Variants in RASAL2 observed in about 807,000 individuals in gnomAD.
RASAL2 encodes ras GTPase-activating protein nGAP.
A neutral mutation model predicts 128.9 loss-of-function variants in RASAL2; 58 were observed. That is an observed-to-expected ratio of 0.45 (90% confidence interval 0.36 to 0.56). The LOEUF (loss-of-function observed/expected upper bound fraction) is 0.56. Among genes scored for constraint, RASAL2 ranks in the 20% least tolerant of loss-of-function variants. The pLI, the probability that RASAL2 is intolerant of heterozygous loss-of-function variation, is 0.00. For synonymous variants in RASAL2, 561 were observed against 580.8 expected, an observed-to-expected ratio of 0.97 and a Z score of 0.49; for missense variants, 1,360 against 1,601.6, an observed-to-expected ratio of 0.85 and a Z score of 2.57.
At chr1:178,192,787 G>A (rs1011424524) in intron 1 of RASAL2, among the ~76,000 whole-genome samples, 4 of 152,128 alleles carry the variant, frequency 2.6e-5, no homozygotes, top group Non-Finnish European at 4.4e-5. Flanking sequence ...TCTGAGTCTG[G>A]CCAGCTATTT....
At chr1:178,377,920 A>G (rs1021642766) in intron 3 of RASAL2, among the ~76,000 whole-genome samples, 1 of 152,078 alleles carries the variant, frequency 6.6e-6, no homozygotes, top group Non-Finnish European at 1.5e-5. Flanking sequence ...GTAAAAATAG[A>G]GTATTTTTAT....
chr1:178,096,908 T>G (rs902093933), intron 1 of RASAL2, among the ~76,000 whole-genome samples: 1 of 152,226 alleles, frequency 6.6e-6, no homozygotes, highest in Non-Finnish European at 1.5e-5. Flanking sequence ...TAGCTAGTTT[T>G]AAGTTGCCTA....
intron 1 of RASAL2, among the ~76,000 whole-genome samples, chr1:178,116,766 C>A (rs957633598): frequency 1.4e-4 from 22 of 152,192 alleles, no homozygotes; most frequent in Admixed American, 3.3e-4. Flanking sequence ...CCCACCACCA[C>A]GCCTGGCTAA....
chr1:178,145,422 A>G (rs1381469608), intron 1 of RASAL2, among the ~76,000 whole-genome samples: 3 of 151,940 alleles, frequency 2.0e-5, no homozygotes, highest in African/African-American at 7.3e-5. Context: ...ATTTTGATAG[A>G]TATTTATCTA....
At chr1:178,265,997 T>A (rs1472773804) in intron 1 of RASAL2, among the ~76,000 whole-genome samples, 1 of 152,240 alleles carries the variant, frequency 6.6e-6, no homozygotes, top group Admixed American at 6.5e-5. Context: ...AATTTATCCA[T>A]TTTACTGTTG....
chr1:178,279,667 G>A (rs1410990667), intron 1 of RASAL2, among the ~76,000 whole-genome samples: 2 of 152,002 alleles, frequency 1.3e-5, no homozygotes, highest in African/African-American at 4.8e-5. Context: ...ATTCAGTCTT[G>A]GTTATATGGC....
At chr1:178,225,288 T>G (rs1298121749) in intron 1 of RASAL2, among the ~76,000 whole-genome samples, 2 of 151,794 alleles carry the variant, frequency 1.3e-5, no homozygotes. Context: ...AAACACATAC[T>G]TATAAAATTT....
At chr1:178,442,634 CA>C in intron 7 of RASAL2, 40 bp from the exon 8 acceptor site, 1 of 1,519,890 alleles carries the variant, frequency 6.6e-7, no homozygotes. Context: ...TTTTTTTCTG[CA>C]ATGTCAGCTC....
chr1:178,311,733 G>A (rs1036008941), intron 3 of RASAL2, among the ~76,000 whole-genome samples: 7 of 151,954 alleles, frequency 4.6e-5, no homozygotes, highest in Admixed American at 2.0e-4. Flanking sequence ...GGTGTATTTA[G>A]CCCAAGAAGA....
At chr1:178,258,302 A>G (rs1322226469) in intron 1 of RASAL2, among the ~76,000 whole-genome samples, 3 of 151,836 alleles carry the variant, frequency 2.0e-5, no homozygotes, top group Non-Finnish European at 4.4e-5. Context: ...TCAAAAAAAA[A>G]AAAAAAAAAG....
chr1:178,194,200 G>T (rs563359403), intron 1 of RASAL2: 12 of 154,092 alleles, frequency 7.8e-5, no homozygotes, highest in African/African-American at 2.6e-4. Context: ...TGAGGCCTGT[G>T]AACAGTCACT....
chr1:178,155,015 G>T (rs1661036552), intron 1 of RASAL2, among the ~76,000 whole-genome samples: 2 of 152,034 alleles, frequency 1.3e-5, no homozygotes, highest in Non-Finnish European at 2.9e-5. Context: ...TAGAGATGGG[G>T]TTTCTCCATG....
intron 3 of RASAL2, among the ~76,000 whole-genome samples, chr1:178,382,924 C>T (rs1672360466): frequency 6.6e-6 from 1 of 152,094 alleles, no homozygotes; most frequent in South Asian, 2.1e-4. Flanking sequence ...TTTTCTTGGC[C>T]TTTTCAGTTG....
At chr1:178,345,119 A>C (rs760532777) in intron 3 of RASAL2, among the ~76,000 whole-genome samples, 1 of 152,168 alleles carries the variant, frequency 6.6e-6, no homozygotes, top group Non-Finnish European at 1.5e-5. Flanking sequence ...AATTGGAAAT[A>C]CTGTTAACTC....
chr1:178,167,368 G>A (rs952713994), intron 1 of RASAL2, among the ~76,000 whole-genome samples: 1 of 152,070 alleles, frequency 6.6e-6, no homozygotes, highest in Non-Finnish European at 1.5e-5. Flanking sequence ...TAGTATACAA[G>A]ATAGAAATAG....
chr1:178,214,704 G>A (rs887599758), intron 1 of RASAL2, among the ~76,000 whole-genome samples: 6 of 151,970 alleles, frequency 3.9e-5, no homozygotes, highest in Non-Finnish European at 7.4e-5. Context: ...GACTACAGGT[G>A]CCTGCCACCA....
chr1:178,259,618 C>T lies in RASAL2; in HGVS notation c.203-23946C>T, dbSNP rs189971497. Among the ~76,000 whole-genome samples the T allele has an allele frequency of 2.0e-4, 31 of 152,274 alleles. No homozygotes were observed. The East Asian group carries it at 5.2e-3, about 26-fold the overall frequency. Reference sequence around the variant, plus strand: ...AGAGGCCAAGTCTCTCTCTGTCACTCACTGGACAGTGCAGTGGTGTGAACA... The same window carrying T: ...AGAGGCCAAGTCTCTCTCTGTCACTTACTGGACAGTGCAGTGGTGTGAACA... On this transcript the variant is annotated intron_variant, in intron 1 of 17. Coordinates refer to ENST00000367649, the MANE Select transcript of RASAL2 (RefSeq NM_170692.4).
At chr1:178,380,912 T>A (rs1048635689) in intron 3 of RASAL2, among the ~76,000 whole-genome samples, 9 of 152,152 alleles carry the variant, frequency 5.9e-5, no homozygotes, top group African/African-American at 2.2e-4. Context: ...AATCAAAGAA[T>A]ATGAACTTAT....
At chr1:178,211,229 A>G (rs1489999384) in intron 1 of RASAL2, among the ~76,000 whole-genome samples, 1 of 152,118 alleles carries the variant, frequency 6.6e-6, no homozygotes. Context: ...TAGTTGTTTC[A>G]TATGTGAAGT....
Sources: gnomAD v4.1 joint callset for allele counts (sites outside exome capture counted in the v4.1 genomes callset) on GRCh38, gnomAD v4.1.1 for gene constraint, MANE v1.5 for transcripts, NCBI Gene and HGNC (gene_info 2026-07-23, HGNC 2026-07-21) for gene names.